PIEZO2: variants seen among roughly 807,000 people sequenced by gnomAD.
PIEZO2 encodes piezo-type mechanosensitive ion channel component 2.
Under a neutral mutation model 337.3 loss-of-function variants are expected in PIEZO2, and 172 were observed. The ratio of observed to expected loss-of-function variants is 0.51; its 90% CI spans 0.45 to 0.58. The LOEUF is 0.58. PIEZO2 is among the 20% of genes least tolerant of loss of function. The pLI is 0.00. For synonymous variants in PIEZO2, 1,251 were observed against 1,228.5 expected, an observed-to-expected ratio of 1.02 and a Z score of -0.38; for missense variants, 3,028 against 3,391.3, an observed-to-expected ratio of 0.89 and a Z score of 2.66.
chr18:11,093,656 G>C (rs796875949), intron 1 of PIEZO2, among the ~76,000 whole-genome samples: 1 of 143,948 alleles, frequency 6.9e-6, no homozygotes, highest in Admixed American at 7.3e-5. Context: ...GCGCAATCTC[G>C]GCTCACTGCA....
chr18:10,991,152 T>TTA (rs991234531), intron 2 of PIEZO2, among the ~76,000 whole-genome samples: 33 of 140,062 alleles, frequency 2.4e-4, no homozygotes, highest in African/African-American at 6.3e-4. Context: ...TTGGAAGGTT[T>TTA]TATACACACA....
intron 4 of PIEZO2, chr18:10,890,689 C>T (rs1197375816): frequency 6.6e-6 from 1 of 152,142 alleles, no homozygotes; most frequent in Non-Finnish European, 1.5e-5. Flanking sequence ...TTACCTCCCA[C>T]CAGGTTCTTC....
At chr18:11,055,527 G>A (rs2051535718) in intron 2 of PIEZO2, among the ~76,000 whole-genome samples, 1 of 152,204 alleles carries the variant, frequency 6.6e-6, no homozygotes, top group African/African-American at 2.4e-5. Context: ...TCAAAATCTG[G>A]GGAAGAGAAT....
chr18:11,054,184 C>T (rs886934856), intron 2 of PIEZO2, among the ~76,000 whole-genome samples: 1 of 152,170 alleles, frequency 6.6e-6, no homozygotes, highest in Non-Finnish European at 1.5e-5. Context: ...TGTTCATCTC[C>T]TTCCCTACAG....
At chr18:10,864,120 G>T (rs1349974947) in intron 5 of PIEZO2, among the ~76,000 whole-genome samples, 1 of 152,192 alleles carries the variant, frequency 6.6e-6, no homozygotes, top group Non-Finnish European at 1.5e-5. Context: ...AATTACTTGT[G>T]ATAGACTAAG....
intron 3 of PIEZO2, among the ~76,000 whole-genome samples, chr18:10,961,498 A>G (rs539007988): frequency 6.6e-6 from 1 of 152,326 alleles, no homozygotes; most frequent in African/African-American, 2.4e-5. Flanking sequence ...AAATCTCACA[A>G]ATCACCACTA....
Position 11,127,848 on chromosome 18 carries a change from T to G in PIEZO2, c.64+20677A>C, listed in dbSNP as rs1030550289. Among the ~76,000 whole-genome samples, 3 of 150,914 alleles carry G rather than the reference T, an allele frequency of 2.0e-5. No individual in the cohort carries two copies. Among genetic ancestry groups the G allele is most frequent in the African/African-American group, 7.3e-5 (3 of 41,042 alleles). On this transcript the variant is annotated intron_variant, in intron 1 of 55. Transcript: ENST00000674853. The surrounding 1 kb of genome is among the most constrained non-coding windows in gnomAD (Gnocchi z 4.5). ...GTGTATCCTATTAGTTCTCTTCCTC[T>G]AAGAGAACCCTAATACAGATTTTGG...
chr18:10,957,406 CA>C (rs36005894), intron 3 of PIEZO2, among the ~76,000 whole-genome samples: 5 of 144,960 alleles, frequency 3.4e-5, no homozygotes, highest in Admixed American at 6.9e-5. Flanking sequence ...AACAAACCAA[CA>C]AAAAAAAAAC....
chr18:10,704,485 A>G lies in PIEZO2; in HGVS notation c.6167T>C (p.Leu2056Pro). Residue 2056 changes from leucine (L) to proline (P), a missense_variant, in exon 42 of 56, where the codon CTC becomes CCC. This residue lies in a region of PIEZO2 where 1,925 missense variants were observed against 2,051.9 expected (regional missense o/e 0.94). Coordinates refer to ENST00000674853, the MANE Select transcript of PIEZO2 (RefSeq NM_001378183.1). The stretch of plus-strand genomic sequence containing the variant: ...GAGGAAGATGAGGATGGGAAGCAGG[A>G]GCGTGATCATGGAGGCAGAGACCAT... The part of the protein sequence containing the change: ...NHMVSASMIT[L>P]LLPILIFLWA... 1.3e-6 allele frequency: 2 copies of G among 1,537,260 alleles called. No homozygotes were observed. Among genetic ancestry groups the G allele is most frequent in the Non-Finnish European group, 1.7e-6 (2 of 1,146,924 alleles).
rs564108939 is a variant in PIEZO2 at position 10,767,324 on chromosome 18, G to T, written c.2946+2824C>A. Among the ~76,000 whole-genome samples the T allele has an allele frequency of 6.6e-6, 1 of 152,164 alleles. No homozygotes were observed. Among genetic ancestry groups the T allele is most frequent in the East Asian group, 1.9e-4 (1 of 5,174 alleles). ...TCAGATGCTTCATGATGCTAACTTT[G>T]AAAAGGTTTAATATTTGCAGGAGAG... On this transcript the variant is annotated intron_variant, in intron 21 of 55. Coordinates refer to ENST00000674853, the MANE Select transcript of PIEZO2 (RefSeq NM_001378183.1). This position sits in a 1 kb window ranked among gnomAD's most constrained non-coding sequence, Gnocchi z 4.2.
At chr18:10,718,434 C>T (rs2036103980) in intron 36 of PIEZO2, among the ~76,000 whole-genome samples, 175 bp from the exon 37 acceptor site, 1 of 152,190 alleles carries the variant, frequency 6.6e-6, no homozygotes, top group South Asian at 2.1e-4. Context: ...TTACTCCATG[C>T]CAGCATAAAA....
intron 3 of PIEZO2, among the ~76,000 whole-genome samples, chr18:10,920,989 G>T (rs1482573366): frequency 6.6e-6 from 1 of 152,110 alleles, no homozygotes; most frequent in Admixed American, 6.5e-5. Context: ...GGAGGCAGAG[G>T]TTGCAGTGAG....
intron 2 of PIEZO2, among the ~76,000 whole-genome samples, chr18:11,050,612 G>A (rs538787389): frequency 2.4e-4 from 36 of 151,970 alleles, no homozygotes; most frequent in African/African-American, 8.4e-4. Context: ...CTTGTCCAGA[G>A]CAGAGTAGAA....
chr18:11,091,092 A>G (rs577141125), intron 1 of PIEZO2, among the ~76,000 whole-genome samples: 1 of 152,178 alleles, frequency 6.6e-6, no homozygotes, highest in Admixed American at 6.5e-5. Flanking sequence ...GAAATTTAAT[A>G]AGAAATATTC....
rs1038183918 is a variant in PIEZO2 at position 10,895,034 on chromosome 18, T to C, written c.329+16152A>G. ...TGAAGAATTTGCCCGTGCTCTTGCA[T>C]GGTCATTCCTCCCCCTGAAGCCTCA... On this transcript the variant is annotated intron_variant, in intron 4 of 55. Transcript: ENST00000674853. The surrounding 1 kb of genome is among the most constrained non-coding windows in gnomAD (Gnocchi z 4.8). Among the ~76,000 whole-genome samples, 1 of 152,240 alleles carries C rather than the reference T, an allele frequency of 6.6e-6. No homozygotes were observed. Among genetic ancestry groups the C allele is most frequent in the Non-Finnish European group, 1.5e-5 (1 of 68,038 alleles).
intron 1 of PIEZO2, among the ~76,000 whole-genome samples, chr18:11,119,077 A>G (rs2039964001): frequency 6.6e-6 from 1 of 152,134 alleles, no homozygotes; most frequent in African/African-American, 2.4e-5. Flanking sequence ...ACTAATTTGT[A>G]GTAATACTAA....
At chr18:10,958,565 A>G (rs2033635105) in intron 3 of PIEZO2, among the ~76,000 whole-genome samples, 1 of 152,264 alleles carries the variant, frequency 6.6e-6, no homozygotes, top group African/African-American at 2.4e-5. Context: ...AAATAAGTTC[A>G]CAAAGTAATG....
In PIEZO2 at chr18:10,775,968, G is replaced by T. The variant is rs1487083967; in HGVS notation, c.2535-1930C>A. ...CAGGCTGTCATTTACTAGTCTAGGG[G>T]TTTATTAACTATCTTGAGAAATTTC... On this transcript the variant is annotated intron_variant, in intron 18 of 55. Transcript: ENST00000674853. This position sits in a 1 kb window ranked among gnomAD's most constrained non-coding sequence, Gnocchi z 4.3. Among the ~76,000 whole-genome samples, 1 of 152,124 alleles carries T rather than the reference G, an allele frequency of 6.6e-6. No homozygotes were observed. Among genetic ancestry groups the T allele is most frequent in the Non-Finnish European group, 1.5e-5 (1 of 68,028 alleles).
rs2033090918 is a variant in PIEZO2, at chr18:10,947,584, A to G, written c.286+31951T>C. Among the ~76,000 whole-genome samples the G allele has an allele frequency of 1.3e-5, 2 of 152,194 alleles. 1 individual carries two copies. The highest frequency in any genetic ancestry group is 4.1e-4 in the South Asian group (2 of 4,836). On this transcript the variant is annotated intron_variant, in intron 3 of 55. Transcript: ENST00000674853. Reference sequence around the variant, plus strand: ...CTCAGAAGAATTGCTCTCAAAGAAGAGAGTTCTCTCTCAAAAAAGAAAGTC... The same window carrying G: ...CTCAGAAGAATTGCTCTCAAAGAAGGGAGTTCTCTCTCAAAAAAGAAAGTC...
Sources: gnomAD v4.1 joint callset for allele counts (sites outside exome capture counted in the v4.1 genomes callset) on GRCh38, gnomAD v4.1.1 for gene constraint, gnomAD v4.1.1 regional missense constraint, Gnocchi (gnomAD v3.1) non-coding constraint, MANE v1.5 for transcripts, NCBI Gene and HGNC (gene_info 2026-07-23, HGNC 2026-07-21) for gene names.